SRRM2: variants seen among roughly 807,000 people sequenced by gnomAD.
SRRM2 encodes the protein serine/arginine repetitive matrix protein 2.
A neutral mutation model predicts 213.8 loss-of-function variants in SRRM2; 30 were observed. The observed-to-expected ratio is 0.14, with a 90% confidence interval of 0.10 to 0.19. The LOEUF is 0.19. Ranked by LOEUF, SRRM2 falls within the 10% of genes least tolerant of loss-of-function variation. SRRM2 has a pLI of 1.00. For missense variants in SRRM2, 4,904 were observed against 3,647.0 expected (o/e 1.34, Z -8.88); for synonymous variants, 2,025 against 1,377.7 (o/e 1.47, Z -10.40).
rs1472123699 is a variant in SRRM2, at chr16:2,767,516, C to T, written c.6988C>T (p.Pro2330Ser). ...AAACTATCCCTCCAGCTCCAGAACA[C>T]CACAGGCTCCAGCCTCTGCAAACCT... ...AANYPSSSRTPQAPASANLVG... is the reference protein window; with the variant it reads ...AANYPSSSRTSQAPASANLVG... The change falls in exon 11 of 15, where the codon CCA (proline) becomes TCA (serine). Residue 2330 changes from proline (P) to serine (S), a missense_variant. By Grantham distance (74) the Pro-to-Ser change is moderately conservative. Coordinates refer to ENST00000301740, the MANE Select transcript of SRRM2 (RefSeq NM_016333.4). 1.2e-6 allele frequency: 2 copies of T among 1,614,096 alleles called. No homozygotes were observed. The highest frequency in any genetic ancestry group is 1.7e-5 in the Admixed American group (1 of 60,004).
Position 2,766,851 on chromosome 16 carries a change from C to G in SRRM2, c.6323C>G (p.Ala2108Gly). The G allele has an allele frequency of 6.2e-7, 1 of 1,614,192 alleles. No homozygotes were observed. The highest frequency in any genetic ancestry group is 8.5e-7 in the Non-Finnish European group (1 of 1,180,040). The change falls in exon 11 of 15, where the codon GCA (alanine) becomes GGA (glycine). Residue 2108 changes from alanine (A) to glycine (G), a missense_variant. By Grantham distance (60) the Ala-to-Gly change is moderately conservative. Transcript: ENST00000301740. This position sits in a 1 kb window ranked among gnomAD's most constrained non-coding sequence, Gnocchi z 7.0. ...TCTGGTTCACGGACACCTCCAGTAG[C>G]ACTCAACAGTTCCAGAATGAGCTGC... Reference protein sequence around the residue: ...NHSGSRTPPVALNSSRMSCFS... With the variant: ...NHSGSRTPPVGLNSSRMSCFS...
chr16:2,768,385 C>A, intron 11 of SRRM2, 124 bp downstream of exon 11: 1 of 1,115,548 alleles, frequency 9.0e-7, no homozygotes, highest in Non-Finnish European at 1.3e-6. Context: ...GACCTTGACC[C>A]TCAAGCTGGG....
In SRRM2 at chr16:2,765,986, T is replaced by A; in HGVS notation, c.5458T>A (p.Tyr1820Asn). ...VTRRRRGGSG[Y>N]HSRSPARQES... The stretch of plus-strand genomic sequence containing the variant: ...TCGGCGGCGGAGGGGAGGCTCTGGT[T>A]ATCACTCAAGGTCACCTGCCCGGCA... The change falls in exon 11 of 15, where the codon TAT becomes AAT. Residue 1820 changes from tyrosine (Y) to asparagine (N), a missense_variant. Coordinates refer to ENST00000301740, the MANE Select transcript of SRRM2 (RefSeq NM_016333.4). 6.2e-7 allele frequency: 1 copy of A among 1,614,016 alleles called. No homozygotes were observed. Among genetic ancestry groups the A allele is most frequent in the Non-Finnish European group, 8.5e-7 (1 of 1,179,996 alleles).
At chr16:2,752,872 C>CCGCT in intron 1 of SRRM2, 26 bp downstream of exon 1, 1 of 215,232 alleles carries the variant, frequency 4.6e-6, no homozygotes, top group South Asian at 4.4e-5. Flanking sequence ...AGCCAGCGAG[C>CCGCT]CGGGTGGGGG....
At chr16:2,755,363 A>G (rs973552255) in intron 1 of SRRM2, among the ~76,000 whole-genome samples, 1 of 152,162 alleles carries the variant, frequency 6.6e-6, no homozygotes, top group Admixed American at 6.5e-5. Context: ...TTGGTGGGGA[A>G]AGCCAACGGT....
rs778582520 is a variant in SRRM2 at position 2,765,287 on chromosome 16, A to G, written c.4759A>G (p.Ser1587Gly). The change falls in exon 11 of 15, where the codon AGC (serine) becomes GGC (glycine). Residue 1587 changes from serine (S) to glycine (G), a missense_variant. Physicochemically the swap from Ser to Gly is moderately conservative, Grantham distance 56. Coordinates refer to ENST00000301740, the MANE Select transcript of SRRM2 (RefSeq NM_016333.4). ...SRSGSSPEVDSKSRLSPRRSR... is the reference protein window; with the variant it reads ...SRSGSSPEVDGKSRLSPRRSR... ...GTCTGGATCATCTCCAGAGGTTGAC[A>G]GCAAATCTCGACTATCCCCTCGGCG... 1.4e-5 allele frequency: 22 copies of G among 1,614,192 alleles called. No individual in the cohort carries two copies. Among genetic ancestry groups the G allele is most frequent in the Non-Finnish European group, 1.9e-5 (22 of 1,180,030 alleles).
Position 2,770,696 on chromosome 16 carries a change from C to G in SRRM2, c.8228C>G (p.Pro2743Arg). The change falls in exon 14 of 15, where the codon CCC becomes CGC. Residue 2743 changes from proline to arginine, a missense_variant. Physicochemically the swap from Pro to Arg is moderately radical, Grantham distance 103. Transcript: ENST00000301740. ...KRRRETPSPR[P>R]MRHRSSRSP ...AGGAGGGAGACACCTAGCCCTCGGC[C>G]CATGAGACACCGCTCCTCCAGGTGC... 2.6e-6 allele frequency: 4 copies of G among 1,559,282 alleles called. No individual in the cohort carries two copies. The highest frequency in any genetic ancestry group is 2.6e-6 in the Non-Finnish European group (3 of 1,150,482).
intron 3 of SRRM2, 64 bp downstream of exon 3, chr16:2,757,643 T>C (rs556499908): frequency 6.3e-7 from 1 of 1,584,714 alleles, no homozygotes; most frequent in Non-Finnish European, 8.6e-7. Context: ...GCTGCTGCTG[T>C]CCTTTTCCTT....
In SRRM2 at chr16:2,766,816, A is replaced by G; in HGVS notation, c.6288A>G (p.Thr2096=). Residue 2096 remains threonine (T), a synonymous_variant, in exon 11 of 15, where the codon ACA becomes ACG. Transcript: ENST00000301740. The surrounding 1 kb of genome is among the most constrained non-coding windows in gnomAD (Gnocchi z 7.0). ...CACGATCTGCTACTCCTCCAGCAAC[A>G]AGAAATCATTCTGGTTCACGGACAC... ...DRSRSATPPA[T]RNHSGSRTPP... The G allele has an allele frequency of 1.2e-6, 2 of 1,614,160 alleles. No individual in the cohort carries two copies. Among genetic ancestry groups the G allele is most frequent in the Non-Finnish European group, 8.5e-7 (1 of 1,180,034 alleles).
At chr16:2,769,838 C>T (rs1051937643) in intron 12 of SRRM2, 4 of 466,126 alleles carry the variant, frequency 8.6e-6, no homozygotes, top group African/African-American at 2.0e-5. Flanking sequence ...TCCTGCCCGC[C>T]CCCACACATG....
intron 3 of SRRM2, 72 bp from the exon 4 acceptor site, chr16:2,757,709 G>C: frequency 6.3e-7 from 1 of 1,589,224 alleles, no homozygotes; most frequent in South Asian, 1.1e-5. Context: ...TTTGGCTCCT[G>C]CTTATACTTG....
Position 2,756,324 on chromosome 16 carries a change from TC to T in SRRM2, c.-31-5del. The T allele has an allele frequency of 6.5e-7, 1 of 1,547,378 alleles. No homozygotes were observed. On this transcript the variant is annotated splice_polypyrimidine_tract_variant and intron_variant, in intron 1 of 14. Coordinates refer to ENST00000301740, the MANE Select transcript of SRRM2 (RefSeq NM_016333.4). ...AGGGGCCTGACCCGTGTCTCCCCGC[TC>T]CCCCTCAGGAGCGGTGGTGCCCCCC...
intron 1 of SRRM2, among the ~76,000 whole-genome samples, chr16:2,755,875 G>A (rs905591753): frequency 2.0e-5 from 3 of 152,192 alleles, no homozygotes; most frequent in African/African-American, 7.2e-5. Flanking sequence ...GGGTGCCACA[G>A]ATCTGTGTCT....
rs1280996002 is a variant in SRRM2, at chr16:2,763,823, T to C, written c.3295T>C (p.Ser1099Pro). 1 of 1,614,148 alleles carries C rather than the reference T, an allele frequency of 6.2e-7. No individual in the cohort carries two copies. Among genetic ancestry groups the C allele is most frequent in the South Asian group, 1.1e-5 (1 of 91,082 alleles). The change falls in exon 11 of 15, where the codon TCC becomes CCC. Residue 1099 changes from serine (S) to proline (P), a missense_variant. Coordinates refer to ENST00000301740, the MANE Select transcript of SRRM2 (RefSeq NM_016333.4). ...KSQTSPKGGR[S>P]RSSSPVTELA... is the part of the protein sequence containing the mutation. The stretch of plus-strand genomic sequence containing the variant: ...TCAAACATCACCTAAGGGAGGTCGG[T>C]CCAGGTCTTCATCTCCAGTCACTGA...
At position 2,768,020 on chromosome 16, in the gene SRRM2, G is replaced by T; in HGVS notation, c.7492G>T (p.Ala2498Ser). 1.2e-6 allele frequency: 2 copies of T among 1,614,174 alleles called. No homozygotes were observed. Among genetic ancestry groups the T allele is most frequent in the Non-Finnish European group, 1.7e-6 (2 of 1,180,020 alleles). The part of the protein sequence containing the change: ...GDHNGMLSVP[A>S]PGVPHSDVGE... ...TCACAATGGCATGCTCTCTGTCCCT[G>T]CCCCTGGGGTGCCCCACTCTGATGT... The change falls in exon 11 of 15, where the codon GCC becomes TCC. Residue 2498 changes from alanine to serine, a missense_variant. By Grantham distance (99) the Ala-to-Ser change is moderately conservative. Transcript: ENST00000301740.
chr16:2,769,853 G>A (rs1413344328), intron 12 of SRRM2: 1 of 465,838 alleles, frequency 2.1e-6, no homozygotes, highest in South Asian at 1.5e-5. Flanking sequence ...CACATGCCCT[G>A]TGCTCCAGCC....
intron 1 of SRRM2, among the ~76,000 whole-genome samples, chr16:2,755,749 T>C (rs921986071): frequency 6.6e-6 from 1 of 152,248 alleles, no homozygotes; most frequent in African/African-American, 2.4e-5. Context: ...CTGAACCAAC[T>C]AGTCTGCTGT....
chr16:2,767,460 T>C lies in SRRM2; in HGVS notation c.6932T>C (p.Leu2311Pro). ...RTPAALAALS[L>P]TGSGTPPTAA... ...CCAGCTGCCTTGGCAGCTCTGAGTC[T>C]CACAGGCTCTGGCACACCACCAACT... The change falls in exon 11 of 15, where the codon CTC becomes CCC. Residue 2311 changes from leucine (L) to proline (P), a missense_variant. By Grantham distance (98) the Leu-to-Pro change is moderately conservative. Transcript: ENST00000301740. The C allele has an allele frequency of 5.0e-6, 8 of 1,614,146 alleles. No individual in the cohort carries two copies. The highest frequency in any genetic ancestry group is 6.8e-6 in the Non-Finnish European group (8 of 1,180,032).
In SRRM2 at chr16:2,759,612, C is replaced by A. The variant is rs368663645; in HGVS notation, c.784C>A (p.Arg262Ser). 5.0e-6 allele frequency: 8 copies of A among 1,613,924 alleles called. No individual in the cohort carries two copies. Among genetic ancestry groups the A allele is most frequent in the African/African-American group, 1.3e-5 (1 of 74,872 alleles). ...AGCCCCCAAGAGCCGCCGGGCCCAC[C>A]GTTCAACTTCTGCTGACTCTGCTTC... ...TPAPKSRRAH[R>S]STSADSASSS... The change falls in exon 9 of 15, where the codon CGT (arginine) becomes AGT (serine). Residue 262 changes from arginine to serine, a missense_variant. Arg to Ser is a moderately radical substitution (Grantham distance 110). Coordinates refer to ENST00000301740, the MANE Select transcript of SRRM2 (RefSeq NM_016333.4).
Sources: gnomAD v4.1 joint callset for allele counts (sites outside exome capture counted in the v4.1 genomes callset) on GRCh38, gnomAD v4.1.1 for gene constraint, Gnocchi (gnomAD v3.1) non-coding constraint, MANE v1.5 for transcripts, NCBI Gene and HGNC (gene_info 2026-07-23, HGNC 2026-07-21) for gene names.